Variants in TBRG4 observed in about 807,000 individuals in gnomAD.
TBRG4 encodes the protein FAST kinase domain-containing protein 4.
A neutral mutation model predicts 65.6 loss-of-function variants in TBRG4; 43 were observed. That is an observed-to-expected ratio of 0.66 (90% CI 0.51 to 0.85). TBRG4 has a LOEUF of 0.85. TBRG4 is among the 40% of genes least tolerant of loss of function. TBRG4 has a pLI of 0.00. For missense variants in TBRG4, 709 were observed against 787.9 expected, an observed-to-expected ratio of 0.90 and a Z score of 1.20; for synonymous variants, 366 against 341.4, an observed-to-expected ratio of 1.07 and a Z score of -0.79.
At chr7:45,103,487 C>A in intron 5 of TBRG4, 44 bp from the exon 6 acceptor site, 1 of 1,459,986 alleles carries the variant, frequency 6.8e-7, no homozygotes, top group Non-Finnish European at 9.3e-7. Context: ...AAGCTCTCTG[C>A]CCAGCACGCT....
In TBRG4 at chr7:45,103,386, C is replaced by A. The variant is rs1228845424; in HGVS notation, c.1123G>T (p.Ala375Ser). ...TLPHLCSVLL[A>S]FARLNFHPDQ... ...GGATGGAAGTTCAGACGCGCAAAAG[C>A]CAGAAGTACGCTGCACAGGTGGGGC... Residue 375 changes from alanine (A) to serine (S), a missense_variant, in exon 6 of 11, where the codon GCT becomes TCT. Physicochemically the swap from Ala to Ser is moderately conservative, Grantham distance 99. Coordinates refer to ENST00000258770, the MANE Select transcript of TBRG4 (RefSeq NM_004749.4). 6.8e-6 allele frequency: 11 copies of A among 1,614,044 alleles called. No individual in the cohort carries two copies. The highest frequency in any genetic ancestry group is 8.5e-6 in the Non-Finnish European group (10 of 1,179,956).
At position 45,104,170 on chromosome 7, in the gene TBRG4, C is replaced by T; in HGVS notation, c.994G>A (p.Val332Met). The T allele has an allele frequency of 4.3e-6, 7 of 1,614,076 alleles. No individual in the cohort carries two copies. The highest frequency in any genetic ancestry group is 5.9e-6 in the Non-Finnish European group (7 of 1,180,032). The stretch of plus-strand genomic sequence containing the variant: ...GCGAAGGACTTGGCACAGTGGGCCA[C>T]CTCACCAGAAGTCAGGCTGGGCATG... ...SLMPSLTSGE[V>M]AHCAKSFALL... Residue 332 changes from valine to methionine, a missense_variant, in exon 5 of 11, where the codon GTG (valine) becomes ATG (methionine). Transcript: ENST00000258770.
chr7:45,107,566 AG>A (rs1452432615), intron 2 of TBRG4: 7 of 152,888 alleles, frequency 4.6e-5, no homozygotes, highest in African/African-American at 1.4e-4. Context: ...CACACCTTCA[AG>A]GAAGTGAGCT....
intron 1 of TBRG4, chr7:45,111,290 G>T (rs1295437268): frequency 1.2e-5 from 2 of 162,580 alleles, no homozygotes; most frequent in South Asian, 1.1e-4. Context: ...CAGTTTAGCC[G>T]AGTAAACGGA....
chr7:45,104,141 T>G lies in TBRG4; in HGVS notation c.1023A>C (p.Leu341Phe). The change falls in exon 5 of 11, where the codon TTA becomes TTC. Residue 341 changes from leucine to phenylalanine, a missense_variant. Coordinates refer to ENST00000258770, the MANE Select transcript of TBRG4 (RefSeq NM_004749.4). ...ACAGGGGCAGGCTGAGCCACTTGAG[T>G]AAGGCGAAGGACTTGGCACAGTGGG... ...EVAHCAKSFA[L>F]LKWLSLPLFE... 6.2e-7 allele frequency: 1 copy of G among 1,613,440 alleles called. No individual in the cohort carries two copies. Among genetic ancestry groups the G allele is most frequent in the Non-Finnish European group, 8.5e-7 (1 of 1,179,844 alleles).
At position 45,101,678 on chromosome 7, in the gene TBRG4, A is replaced by C. The variant is rs548029337; in HGVS notation, c.1568-64T>G. 2.6e-4 allele frequency: 409 copies of C among 1,597,848 alleles called. 1 individual carries two copies. The African/African-American group carries it at 5.1e-3, about 20-fold the overall frequency. On this transcript the variant is annotated intron_variant, in intron 8 of 10. Transcript: ENST00000258770. ...ATCCCTCAGAAACCCCCCCACAGGA[A>C]AGATGAACAAAGATGGGACTGTGGG... is the stretch of plus-strand genomic sequence containing the variant.
In TBRG4 at chr7:45,109,149, C is replaced by T. The variant is rs776955644; in HGVS notation, c.89G>A (p.Arg30Lys). 3.1e-6 allele frequency: 5 copies of T among 1,614,166 alleles called. No individual in the cohort carries two copies. The highest frequency in any genetic ancestry group is 4.2e-6 in the Non-Finnish European group (5 of 1,180,004). ...AGTCTTATGGGCTACCCAGGCAAGT[C>T]TCAGTCGGCCAACTGGAGCCATGGC... Reference protein sequence around the residue: ...APAMAPVGRLRLAWVAHKTLT... With the variant: ...APAMAPVGRLKLAWVAHKTLT... The change falls in exon 2 of 11, where the codon AGA (arginine) becomes AAA (lysine). Residue 30 changes from arginine (R) to lysine (K), a missense_variant. By Grantham distance (26) the Arg-to-Lys change is conservative (BLOSUM62 2). Coordinates refer to ENST00000258770, the MANE Select transcript of TBRG4 (RefSeq NM_004749.4).
chr7:45,102,277 T>G (rs959918077), intron 7 of TBRG4, 70 bp downstream of exon 7: 1 of 1,598,608 alleles, frequency 6.3e-7, no homozygotes, highest in African/African-American at 1.3e-5. Flanking sequence ...CCCCAAATTC[T>G]CACCTGGCAC....
Position 45,100,154 on chromosome 7 carries a change from A to C in TBRG4, c.*171T>G. On this transcript the variant is annotated 3_prime_UTR_variant, in exon 11 of 11. Transcript: ENST00000258770. ...AAGGCCCCAGGGGTCCAACACCAAA[A>C]TTAAAGGTTTATTATACACAAGAGG... 1.7e-6 allele frequency: 1 copy of C among 574,970 alleles called. No individual in the cohort carries two copies. Among genetic ancestry groups the C allele is most frequent in the South Asian group, 2.2e-5 (1 of 45,144 alleles). The allele number at this position is 574,970 out of a possible 1,614,324, so 35.6% of individuals were successfully genotyped here. A position where few individuals can be genotyped will look rare whatever the true frequency, so the allele number is the denominator to read the frequency against.
Position 45,100,194 on chromosome 7 carries a change from A to G in TBRG4, c.*131T>C. 1 of 668,012 alleles carries G rather than the reference A, an allele frequency of 1.5e-6. No individual in the cohort carries two copies. Among genetic ancestry groups the G allele is most frequent in the Non-Finnish European group, 2.5e-6 (1 of 394,370 alleles). 41.4% of individuals were successfully genotyped at this position (668,012 alleles called of 1,614,324 possible). A position where few individuals can be genotyped will look rare whatever the true frequency, so the allele number is the denominator to read the frequency against. The stretch of plus-strand genomic sequence containing the variant: ...TACACAAGAGGACGTTCTGTCCCTC[A>G]GAGTGGCTGGCCACCCTCCCCACTC... On this transcript the variant is annotated 3_prime_UTR_variant, in exon 11 of 11. Transcript: ENST00000258770.
intron 3 of TBRG4, chr7:45,104,969 G>A: frequency 1.3e-6 from 1 of 759,846 alleles, no homozygotes; most frequent in Non-Finnish European, 2.4e-6. Flanking sequence ...CATGAGCTGT[G>A]GAGCTTGCTG....
At position 45,100,228 on chromosome 7, in the gene TBRG4, G is replaced by A. The variant is rs1784723563; in HGVS notation, c.*97C>T. On this transcript the variant is annotated 3_prime_UTR_variant, in exon 11 of 11. Transcript: ENST00000258770. ...GGCCACCCTCCCCACTCTGGCCAAG[G>A]TCCTGCACAGAGGTTTGTCCTCAAG... 2 of 988,458 alleles carry A rather than the reference G, an allele frequency of 2.0e-6. No homozygotes were observed. 61.2% of individuals were successfully genotyped at this position (988,458 alleles called of 1,614,324 possible). A position where few individuals can be genotyped will look rare whatever the true frequency, so the allele number is the denominator to read the frequency against.
chr7:45,110,418 G>A (rs1457839151), intron 1 of TBRG4, among the ~76,000 whole-genome samples: 2 of 152,186 alleles, frequency 1.3e-5, no homozygotes, highest in Non-Finnish European at 2.9e-5. Flanking sequence ...TGTAATCCCA[G>A]TACTTTGGGA....
chr7:45,105,864 A>G (rs1784936689), intron 2 of TBRG4, 100 bp from the exon 3 acceptor site: 2 of 1,328,688 alleles, frequency 1.5e-6, no homozygotes, highest in Non-Finnish European at 2.1e-6. Flanking sequence ...AGCATTTACT[A>G]CAACTCTTCA....
rs2128645277 is a variant in TBRG4, at chr7:45,104,691, G to A, written c.754C>T (p.His252Tyr). 1 of 1,613,798 alleles carries A rather than the reference G, an allele frequency of 6.2e-7. No homozygotes were observed. Among genetic ancestry groups the A allele is most frequent in the African/African-American group, 1.3e-5 (1 of 75,068 alleles). ...LEDKCLELVE[H>Y]FGPNELRKVL... is the part of the protein sequence containing the mutation. ...TTCCGCAGCTCATTGGGGCCAAAGT[G>A]CTCCACCAACTCCAGGCACTGTCAA... Residue 252 changes from histidine (H) to tyrosine (Y), a missense_variant, in exon 4 of 11, where the codon CAC (histidine) becomes TAC (tyrosine). His to Tyr is a moderately conservative substitution (Grantham distance 83). Coordinates refer to ENST00000258770, the MANE Select transcript of TBRG4 (RefSeq NM_004749.4).
rs2289373 is a variant in TBRG4 at position 45,100,320 on chromosome 7, A to C, written c.*5T>G. ...GAGGCACGCAGTCCATGCTGCTGGC[A>C]CAAGTCACTTGGCCAGCTCCTCAGC... On this transcript the variant is annotated 3_prime_UTR_variant, in exon 11 of 11. Transcript: ENST00000258770. The C allele has an allele frequency of 0.16, 263,798 of 1,612,340 alleles. 22,973 individuals are homozygous for C. Among genetic ancestry groups the C allele is most frequent in the Middle Eastern group, 0.21 (1,279 of 6,052 alleles).
At chr7:45,110,107 T>G (rs1785083712) in intron 1 of TBRG4, among the ~76,000 whole-genome samples, 1 of 152,056 alleles carries the variant, frequency 6.6e-6, no homozygotes, top group African/African-American at 2.4e-5. Context: ...ACCAAATTTC[T>G]AACAGCAAAA....
intron 2 of TBRG4, among the ~76,000 whole-genome samples, chr7:45,107,990 T>C (rs1306670554): frequency 6.6e-6 from 1 of 152,214 alleles, no homozygotes; most frequent in Non-Finnish European, 1.5e-5. Flanking sequence ...CCTTACTATA[T>C]GTGATGAATT....
intron 5 of TBRG4, chr7:45,103,802 T>G: frequency 1.9e-6 from 1 of 531,126 alleles, no homozygotes; most frequent in Non-Finnish European, 3.3e-6. Flanking sequence ...AGTGATTCAG[T>G]AGACAGTTCT....
Sources: gnomAD v4.1 joint callset for allele counts (sites outside exome capture counted in the v4.1 genomes callset) on GRCh38, gnomAD v4.1.1 for gene constraint, MANE v1.5 for transcripts, NCBI Gene and HGNC (gene_info 2026-07-23, HGNC 2026-07-21) for gene names.